DOCK4: variants seen among roughly 807,000 people sequenced by gnomAD.
DOCK4 encodes dedicator of cytokinesis 4.
Under a neutral mutation model 268.1 loss-of-function variants are expected in DOCK4, and 97 were observed. The observed-to-expected ratio is 0.36, with a 90% CI of 0.31 to 0.43. DOCK4 has a LOEUF of 0.43. Ranked by LOEUF, DOCK4 falls within the 20% of genes least tolerant of loss-of-function variation. The probability of loss-of-function intolerance (pLI) is 1.00; values close to 1 mark genes in which losing one functional copy is unlikely to be tolerated. For missense variants in DOCK4, 2,145 were observed against 2,455.7 expected, an observed-to-expected ratio of 0.87 and a Z score of 2.67; for synonymous variants, 954 against 887.2, an observed-to-expected ratio of 1.08 and a Z score of -1.34.
At chr7:111,926,798 C>A (rs1051454075) in intron 12 of DOCK4, among the ~76,000 whole-genome samples, 2 of 148,822 alleles carry the variant, frequency 1.3e-5, no homozygotes, top group Admixed American at 6.8e-5. Flanking sequence ...CATGCCACTG[C>A]ACTCCAGCCT....
intron 42 of DOCK4, among the ~76,000 whole-genome samples, chr7:111,753,343 C>G (rs1336673539): frequency 1.3e-5 from 2 of 152,048 alleles, no homozygotes; most frequent in East Asian, 1.9e-4. Flanking sequence ...GTTGTGATGG[C>G]ACATGCTTGT....
intron 25 of DOCK4, among the ~76,000 whole-genome samples, chr7:111,834,994 C>T (rs56280800): frequency 2.0e-5 from 3 of 151,870 alleles, no homozygotes; most frequent in Admixed American, 6.6e-5. Context: ...GGTAAGGCAC[C>T]GAGGGTTTAT....
chr7:112,149,094 C>CT (rs1815794937), intron 1 of DOCK4, among the ~76,000 whole-genome samples: 1 of 152,124 alleles, frequency 6.6e-6, no homozygotes, highest in Non-Finnish European at 1.5e-5. Flanking sequence ...TAACACATCT[C>CT]TTTTTGGCAG....
Position 111,900,516 on chromosome 7 carries a change from A to G in DOCK4, c.1338T>C (p.Ser446=). 3.7e-6 allele frequency: 6 copies of G among 1,611,034 alleles called. No homozygotes were observed. Among genetic ancestry groups the G allele is most frequent in the Non-Finnish European group, 5.1e-6 (6 of 1,178,710 alleles). Reference sequence around the variant, plus strand: ...GGTACTCACTGGCTGGTGGCTCCCCAGAGCCGAAGGAGATAAAATCCTAAC... The same window carrying G: ...GGTACTCACTGGCTGGTGGCTCCCCGGAGCCGAAGGAGATAAAATCCTAAC... ...QTLKDFISFG[S]GEPPASEYHS... The change falls in exon 15 of 53, where the codon TCT becomes TCC. Residue 446 remains serine (S), a synonymous_variant. Transcript: ENST00000428084.
intron 1 of DOCK4, among the ~76,000 whole-genome samples, chr7:112,128,020 C>T (rs188797206): frequency 6.6e-6 from 1 of 152,308 alleles, no homozygotes; most frequent in Non-Finnish European, 1.5e-5. Flanking sequence ...CAGAGCGAGA[C>T]TCTGTCGGGG....
At chr7:112,153,500 T>A (rs766348294) in intron 1 of DOCK4, among the ~76,000 whole-genome samples, 1 of 152,188 alleles carries the variant, frequency 6.6e-6, no homozygotes, top group Non-Finnish European at 1.5e-5. Flanking sequence ...TGGACAAATA[T>A]AATAATTATC....
chr7:112,034,803 GA>G (rs1178562599), intron 1 of DOCK4, among the ~76,000 whole-genome samples: 2 of 152,198 alleles, frequency 1.3e-5, no homozygotes, highest in African/African-American at 4.8e-5. Context: ...TCAGGAGGCT[GA>G]GGCAGGAGAA....
chr7:111,823,543 G>A (rs925298762), intron 26 of DOCK4, among the ~76,000 whole-genome samples: 1 of 152,068 alleles, frequency 6.6e-6, no homozygotes, highest in Admixed American at 6.6e-5. Flanking sequence ...AAGAGATAGG[G>A]TCAAATGCGC....
At chr7:112,010,208 C>G (rs1005872764) in intron 1 of DOCK4, among the ~76,000 whole-genome samples, 1 of 152,106 alleles carries the variant, frequency 6.6e-6, no homozygotes, top group African/African-American at 2.4e-5. Flanking sequence ...TACATATGTA[C>G]AAAACCCCAC....
intron 1 of DOCK4, among the ~76,000 whole-genome samples, chr7:112,079,923 T>G (rs893548959): frequency 6.6e-6 from 1 of 152,198 alleles, no homozygotes; most frequent in African/African-American, 2.4e-5. Flanking sequence ...AGATTTTGGC[T>G]GAATAATGGG....
intron 1 of DOCK4, among the ~76,000 whole-genome samples, chr7:112,052,408 T>A (rs1283322767): frequency 6.6e-6 from 1 of 152,170 alleles, no homozygotes; most frequent in Non-Finnish European, 1.5e-5. Context: ...AATGTTGCAT[T>A]TGGTAGAATT....
At chr7:111,992,161 TAA>T (rs969949361) in intron 5 of DOCK4, among the ~76,000 whole-genome samples, 6 of 152,122 alleles carry the variant, frequency 3.9e-5, no homozygotes, top group African/African-American at 1.4e-4. Context: ...CAACGTTATT[TAA>T]AGAGCAACTA....
chr7:112,026,571 T>C (rs1019689358), intron 1 of DOCK4, among the ~76,000 whole-genome samples: 2 of 152,256 alleles, frequency 1.3e-5, no homozygotes, highest in African/African-American at 4.8e-5. Context: ...GGCTTTTATA[T>C]TTGTAAATTC....
At chr7:111,850,417 C>A (rs1306391580) in intron 23 of DOCK4, among the ~76,000 whole-genome samples, 1 of 152,064 alleles carries the variant, frequency 6.6e-6, no homozygotes, top group Non-Finnish European at 1.5e-5. Flanking sequence ...CAATCTTTCT[C>A]CCTTATTGCA....
intron 1 of DOCK4, among the ~76,000 whole-genome samples, chr7:112,013,619 C>T (rs1197072140): frequency 6.6e-6 from 1 of 152,224 alleles, no homozygotes; most frequent in African/African-American, 2.4e-5. Flanking sequence ...CTCCTGTCCC[C>T]TTAACAGGTC....
At chr7:111,974,491 GATGTGTGTGT>G (rs1797992581) in intron 8 of DOCK4, among the ~76,000 whole-genome samples, 3 of 90,342 alleles carry the variant, frequency 3.3e-5, no homozygotes, top group East Asian at 4.7e-4. Context: ...ATTGAAGAGG[GATGTGTGTGT>G]GTGTGTGTGT....
At chr7:111,733,146 G>C (rs1795222388) in intron 51 of DOCK4, among the ~76,000 whole-genome samples, 1 of 152,178 alleles carries the variant, frequency 6.6e-6, no homozygotes, top group South Asian at 2.1e-4. Context: ...TCTGTGATTA[G>C]CTGCTACTCT....
At chr7:111,839,747 A>G (rs1355207932) in intron 25 of DOCK4, among the ~76,000 whole-genome samples, 2 of 152,174 alleles carry the variant, frequency 1.3e-5, no homozygotes, top group Non-Finnish European at 2.9e-5. Flanking sequence ...GGAGGCCTAG[A>G]TGTCCAATTA....
At chr7:112,018,179 A>AAAAAAAAAAAAAAAAAAAAC in intron 1 of DOCK4, among the ~76,000 whole-genome samples, 1 of 72,590 alleles carries the variant, frequency 1.4e-5, no homozygotes, top group African/African-American at 5.4e-5. Context: ...AAAAAAAAAA[A>AAAAAAAAAAAAAAAAAAAAC]ACACAGGCAA....
Sources: allele counts gnomAD v4.1 joint callset (sites outside exome capture counted in the v4.1 genomes callset), GRCh38; gene constraint gnomAD v4.1.1; transcripts MANE v1.5; gene names NCBI Gene and HGNC (gene_info 2026-07-23, HGNC 2026-07-21).